Variants in ADIPOR2 observed in about 807,000 individuals in gnomAD.
ADIPOR2 encodes adiponectin receptor 2.
In ADIPOR2, 18 loss-of-function variants were observed where a neutral mutation model predicts 40.9. That is an observed-to-expected ratio of 0.44 (90% CI 0.30 to 0.65). The LOEUF (loss-of-function observed/expected upper bound fraction) is 0.65, where lower values mean the gene tolerates loss of function less well. Among genes scored for constraint, ADIPOR2 ranks in the 30% least tolerant of loss-of-function variants. ADIPOR2 has a pLI of 0.09. For synonymous variants in ADIPOR2, 165 were observed against 166.4 expected, an observed-to-expected ratio of 0.99 and a Z score of 0.06; for missense variants, 283 against 479.2, an observed-to-expected ratio of 0.59 and a Z score of 3.82.
At chr12:1,773,882 G>C (rs2370054) in intron 3 of ADIPOR2, among the ~76,000 whole-genome samples, 58 of 152,266 alleles carry the variant, frequency 3.8e-4, no homozygotes, top group Admixed American at 1.2e-3. Flanking sequence ...GACTTAGAAT[G>C]CTATTACTTT....
chr12:1,723,662 A>AAACAAAAC (rs2094702300), intron 1 of ADIPOR2, among the ~76,000 whole-genome samples: 1 of 150,260 alleles, frequency 6.7e-6, no homozygotes, highest in South Asian at 2.1e-4. Flanking sequence ...AAACAAAACA[A>AAACAAAAC]AACAACAACA....
intron 1 of ADIPOR2, among the ~76,000 whole-genome samples, chr12:1,724,134 A>G (rs2154442252): frequency 6.6e-6 from 1 of 152,142 alleles, no homozygotes; most frequent in South Asian, 2.1e-4. Context: ...GGTGCCCGCC[A>G]CGACGCCCAG....
intron 1 of ADIPOR2, chr12:1,696,020 A>C (rs1432612110): frequency 6.4e-6 from 1 of 155,902 alleles, no homozygotes; most frequent in African/African-American, 2.4e-5. Context: ...CTTCCTCATA[A>C]ATTCTTTTTG....
intron 2 of ADIPOR2, among the ~76,000 whole-genome samples, chr12:1,755,868 A>C (rs894912450): frequency 6.6e-6 from 1 of 152,222 alleles, no homozygotes; most frequent in African/African-American, 2.4e-5. Flanking sequence ...TATAGTAAGT[A>C]ATACACATTT....
chr12:1,720,908 A>G (rs1450755398), intron 1 of ADIPOR2, among the ~76,000 whole-genome samples: 1 of 152,188 alleles, frequency 6.6e-6, no homozygotes, highest in African/African-American at 2.4e-5. Flanking sequence ...GCTCACTGAG[A>G]TAGATACATA....
intron 1 of ADIPOR2, among the ~76,000 whole-genome samples, chr12:1,727,433 A>T (rs186831119): frequency 6.6e-6 from 1 of 152,226 alleles, no homozygotes; most frequent in African/African-American, 2.4e-5. Context: ...TCCAATAAGC[A>T]TTGCATGTAT....
chr12:1,768,829 A>AG (rs146656675), intron 2 of ADIPOR2, among the ~76,000 whole-genome samples: 1,865 of 152,296 alleles, frequency 0.012, 47 homozygotes, highest in African/African-American at 0.043. Context: ...AGATGGCGGG[A>AG]GGGGGGAGAT....
At chr12:1,774,532 T>G (rs981597884) in intron 3 of ADIPOR2, among the ~76,000 whole-genome samples, 9 of 152,212 alleles carry the variant, frequency 5.9e-5, no homozygotes, top group African/African-American at 2.2e-4. Flanking sequence ...TTTCTTGGAC[T>G]GGAAGCAAGT....
chr12:1,711,909 C>A (rs1286446856), intron 1 of ADIPOR2, among the ~76,000 whole-genome samples: 2 of 152,166 alleles, frequency 1.3e-5, no homozygotes, highest in African/African-American at 4.8e-5. Context: ...CCCTTTCTTT[C>A]CATATTGCAT....
At chr12:1,745,741 G>A (rs976375973) in intron 1 of ADIPOR2, among the ~76,000 whole-genome samples, 5 of 152,030 alleles carry the variant, frequency 3.3e-5, no homozygotes, top group Non-Finnish European at 7.4e-5. Context: ...TTTTGTTCTT[G>A]CTTCAATTTT....
chr12:1,752,053 A>G (rs1331021693), intron 1 of ADIPOR2, among the ~76,000 whole-genome samples: 1 of 150,980 alleles, frequency 6.6e-6, no homozygotes, highest in Non-Finnish European at 1.5e-5. Flanking sequence ...GATTACAGGC[A>G]TGCGCCACCA....
At chr12:1,735,822 C>T (rs962966544) in intron 1 of ADIPOR2, among the ~76,000 whole-genome samples, 4 of 152,224 alleles carry the variant, frequency 2.6e-5, no homozygotes, top group African/African-American at 9.6e-5. Context: ...TGAATTTTGT[C>T]GAAGGCCTTT....
chr12:1,755,166 A>G (rs937930690), intron 2 of ADIPOR2, among the ~76,000 whole-genome samples: 22 of 151,018 alleles, frequency 1.5e-4, no homozygotes, highest in African/African-American at 4.9e-4. Context: ...TGCAACCTCT[A>G]CCTTCCAGGT....
intron 1 of ADIPOR2, among the ~76,000 whole-genome samples, chr12:1,692,737 T>A (rs1185845568): frequency 6.6e-6 from 1 of 152,096 alleles, no homozygotes; most frequent in Non-Finnish European, 1.5e-5. Context: ...CACTTTTTTT[T>A]TTTAGTATAA....
At chr12:1,782,352 T>C (rs955673816) in intron 6 of ADIPOR2, among the ~76,000 whole-genome samples, 1 of 152,244 alleles carries the variant, frequency 6.6e-6, no homozygotes, top group Non-Finnish European at 1.5e-5. Flanking sequence ...ATAGGTTCTT[T>C]ATCTGTTGAG....
chr12:1,762,548 A>G (rs1030276800), intron 2 of ADIPOR2, among the ~76,000 whole-genome samples: 2 of 152,204 alleles, frequency 1.3e-5, no homozygotes, highest in Non-Finnish European at 2.9e-5. Context: ...GAGATGTACA[A>G]AAGGAGCACG....
At chr12:1,765,151 T>C (rs1862350961) in intron 2 of ADIPOR2, among the ~76,000 whole-genome samples, 1 of 152,118 alleles carries the variant, frequency 6.6e-6, no homozygotes, top group Non-Finnish European at 1.5e-5. Context: ...ATTTTAAATA[T>C]TAGTTTGAAA....
chr12:1,779,338 CA>C (rs1249867048), intron 4 of ADIPOR2, among the ~76,000 whole-genome samples: 5 of 152,068 alleles, frequency 3.3e-5, no homozygotes, highest in African/African-American at 1.2e-4. Context: ...TATTTAGCTG[CA>C]AAAAGGGATG....
At chr12:1,777,386 T>C (rs57414925) in intron 3 of ADIPOR2, among the ~76,000 whole-genome samples, 16,276 of 138,854 alleles carry the variant, frequency 0.12, 938 homozygotes, top group African/African-American at 0.17. Flanking sequence ...TTCTTTCTTT[T>C]TTTTTTTTTT....
Sources: gnomAD v4.1 joint callset for allele counts (sites outside exome capture counted in the v4.1 genomes callset) on GRCh38, gnomAD v4.1.1 for gene constraint, MANE v1.5 for transcripts, NCBI Gene and HGNC (gene_info 2026-07-23, HGNC 2026-07-21) for gene names.